The following PLPPR1 variants were observed in gnomAD, a reference collection of about 807,000 sequenced individuals.
The protein encoded by PLPPR1 is phospholipid phosphatase-related protein type 1.
Under a neutral mutation model 33.1 loss-of-function variants are expected in PLPPR1, and 10 were observed. The observed-to-expected ratio is 0.30, with a 90% CI of 0.19 to 0.51. The LOEUF is 0.51. Ranked by LOEUF, PLPPR1 falls within the 20% of genes least tolerant of loss-of-function variation. PLPPR1 has a pLI of 0.97. For synonymous variants in PLPPR1, 151 were observed against 151.0 expected, an observed-to-expected ratio of 1.00 and a Z score of 0.00; for missense variants, 304 against 408.1, an observed-to-expected ratio of 0.74 and a Z score of 2.20.
intron 3 of PLPPR1, among the ~76,000 whole-genome samples, chr9:101,283,542 T>C (rs1043695269): frequency 6.6e-6 from 1 of 152,164 alleles, no homozygotes; most frequent in African/African-American, 2.4e-5. Context: ...TTGTAATACC[T>C]AAAGCAATGA....
At chr9:101,119,644 G>C (rs938411575) in intron 1 of PLPPR1, among the ~76,000 whole-genome samples, 4 of 152,226 alleles carry the variant, frequency 2.6e-5, no homozygotes, top group Non-Finnish European at 5.9e-5. Flanking sequence ...TAGAAACTCA[G>C]CATGTGGAGT....
chr9:101,286,019 A>G (rs1828386789), intron 3 of PLPPR1, 85 bp from the exon 4 acceptor site: 5 of 1,077,640 alleles, frequency 4.6e-6, no homozygotes, highest in Admixed American at 2.1e-5. Flanking sequence ...TGGGTCCTCA[A>G]CAGTTTTGTT....
At chr9:101,199,805 C>G (rs1050290963) in intron 2 of PLPPR1, among the ~76,000 whole-genome samples, 2 of 152,190 alleles carry the variant, frequency 1.3e-5, no homozygotes, top group African/African-American at 4.8e-5. Flanking sequence ...TACTGCAGCA[C>G]ACAGACCACC....
chr9:101,230,828 G>GTTTTTT (rs5899435), intron 2 of PLPPR1, among the ~76,000 whole-genome samples: 1 of 145,776 alleles, frequency 6.9e-6, no homozygotes, highest in Non-Finnish European at 1.5e-5. Flanking sequence ...CATTATTAAA[G>GTTTTTT]TTTTTTTTTT....
At chr9:101,080,959 C>T (rs1588019969) in intron 1 of PLPPR1, among the ~76,000 whole-genome samples, 1 of 152,240 alleles carries the variant, frequency 6.6e-6, no homozygotes, top group East Asian at 1.9e-4. Flanking sequence ...TATCTGGTGC[C>T]ATTGATTCCG....
intron 5 of PLPPR1, among the ~76,000 whole-genome samples, chr9:101,311,956 C>T (rs1300955026): frequency 1.3e-5 from 2 of 152,112 alleles, no homozygotes; most frequent in African/African-American, 4.8e-5. Flanking sequence ...AACTCTAAAC[C>T]ACCAGGGACA....
At chr9:101,082,668 G>A (rs115247795) in intron 1 of PLPPR1, among the ~76,000 whole-genome samples, 3,854 of 152,252 alleles carry the variant, frequency 0.025, 84 homozygotes, top group East Asian at 0.082. Flanking sequence ...AATTTGGAAC[G>A]ATAATGCTGG....
chr9:101,190,429 C>A (rs1826277543), intron 2 of PLPPR1, among the ~76,000 whole-genome samples: 1 of 152,152 alleles, frequency 6.6e-6, no homozygotes, highest in Admixed American at 6.6e-5. Context: ...AGAGCCGGGA[C>A]TGTTGGGCCA....
chr9:101,255,321 G>T (rs2118871599), intron 2 of PLPPR1, among the ~76,000 whole-genome samples: 1 of 152,130 alleles, frequency 6.6e-6, no homozygotes, highest in South Asian at 2.1e-4. Flanking sequence ...TTCATAATAG[G>T]CTCTCATAAG....
intron 2 of PLPPR1, among the ~76,000 whole-genome samples, chr9:101,259,270 AG>A (rs1827853672): frequency 6.6e-6 from 1 of 152,130 alleles, no homozygotes; most frequent in South Asian, 2.1e-4. Flanking sequence ...GCTAACTAAG[AG>A]GCCATGCCTG....
At chr9:101,110,171 C>T (rs1831038319) in intron 1 of PLPPR1, among the ~76,000 whole-genome samples, 3 of 152,182 alleles carry the variant, frequency 2.0e-5, no homozygotes, top group Admixed American at 1.3e-4. Flanking sequence ...ACAAGAATTT[C>T]ACCAGGCTTC....
chr9:101,135,383 G>C (rs1446921534), intron 1 of PLPPR1, among the ~76,000 whole-genome samples: 1 of 152,104 alleles, frequency 6.6e-6, no homozygotes, highest in Non-Finnish European at 1.5e-5. Flanking sequence ...GTTTTCTATT[G>C]TATCACATCA....
chr9:101,205,834 G>C (rs1354699702), intron 2 of PLPPR1, among the ~76,000 whole-genome samples: 1 of 152,184 alleles, frequency 6.6e-6, no homozygotes, highest in Admixed American at 6.5e-5. Context: ...TTACAGGCTT[G>C]TGTAAAATAG....
At chr9:101,146,260 G>GA (rs946382652) in intron 1 of PLPPR1, among the ~76,000 whole-genome samples, 6 of 152,090 alleles carry the variant, frequency 3.9e-5, no homozygotes, top group Admixed American at 1.3e-4. Flanking sequence ...AATGTTTGTT[G>GA]AAAAAATGAC....
chr9:101,283,483 T>C (rs1271488724), intron 3 of PLPPR1, among the ~76,000 whole-genome samples: 1 of 152,204 alleles, frequency 6.6e-6, no homozygotes, highest in African/African-American at 2.4e-5. Flanking sequence ...ATTAAGACTT[T>C]ATCTCACACC....
chr9:101,036,621 G>C lies in PLPPR1; in HGVS notation c.-46+7519G>C, dbSNP rs150832168. ...GCTGGTCTTGGCTTATGGCACTGCTGGCCTGTTTTGAAGATTTGAGGTCAG... is the reference window on the plus strand; with the variant it reads ...GCTGGTCTTGGCTTATGGCACTGCTCGCCTGTTTTGAAGATTTGAGGTCAG... On this transcript the variant is annotated intron_variant, in intron 1 of 7. Coordinates refer to ENST00000374874, the MANE Select transcript of PLPPR1 (RefSeq NM_207299.2). Among the ~76,000 whole-genome samples, 385 of 150,954 alleles carry C rather than the reference G, an allele frequency of 2.6e-3. 1 individual carries two copies. Among genetic ancestry groups the C allele is most frequent in the African/African-American group, 8.7e-3 (357 of 41,112 alleles).
At chr9:101,226,689 A>G (rs998373698) in intron 2 of PLPPR1, among the ~76,000 whole-genome samples, 11 of 152,118 alleles carry the variant, frequency 7.2e-5, no homozygotes, top group African/African-American at 2.7e-4. Flanking sequence ...CAAAGATCCC[A>G]TCTCTTAATA....
At chr9:101,098,198 G>T (rs1830845155) in intron 1 of PLPPR1, among the ~76,000 whole-genome samples, 1 of 152,104 alleles carries the variant, frequency 6.6e-6, no homozygotes, top group Non-Finnish European at 1.5e-5. Context: ...AGATGATAAG[G>T]TCTTAAATTA....
At chr9:101,316,615 G>GAAAAAAAAAAAAAAAAAAAAAAAAA (rs1829054260) in intron 6 of PLPPR1, among the ~76,000 whole-genome samples, 1 of 68,816 alleles carries the variant, frequency 1.5e-5, no homozygotes, top group Non-Finnish European at 2.8e-5. Flanking sequence ...TTCTTCTTGG[G>GAAAAAAAAAAAAAAAAAAAAAAAAA]CAAAAAAAAA....
Sources: allele counts gnomAD v4.1 joint callset (sites outside exome capture counted in the v4.1 genomes callset), GRCh38; gene constraint gnomAD v4.1.1; transcripts MANE v1.5; gene names NCBI Gene and HGNC (gene_info 2026-07-23, HGNC 2026-07-21).